PTPRD: variants seen among roughly 807,000 people sequenced by gnomAD.
PTPRD encodes protein tyrosine phosphatase receptor type D.
PTPRD carries 34 observed loss-of-function variants against 214.5 expected under a neutral mutation model. The observed-to-expected ratio is 0.16, with a 90% CI of 0.12 to 0.21. The LOEUF (loss-of-function observed/expected upper bound fraction) is 0.21, where lower values mean the gene tolerates loss of function less well. PTPRD is among the 10% of genes least tolerant of loss of function. PTPRD has a pLI of 1.00. For synonymous variants in PTPRD, 1,128 were observed against 845.7 expected (o/e 1.33, Z -5.79); for missense variants, 2,545 against 2,398.7 (o/e 1.06, Z -1.27).
At chr9:8,918,270 A>T (rs1323899064) in intron 11 of PTPRD, among the ~76,000 whole-genome samples, 3 of 152,180 alleles carry the variant, frequency 2.0e-5, no homozygotes, top group Non-Finnish European at 4.4e-5. Context: ...CTCTTAAAAT[A>T]GAGAGAAAGC....
intron 3 of PTPRD, among the ~76,000 whole-genome samples, chr9:10,154,456 ATTTAG>A (rs1190380492): frequency 6.6e-6 from 1 of 152,032 alleles, no homozygotes; most frequent in African/African-American, 2.4e-5. Flanking sequence ...TGCAGAAGTT[ATTTAG>A]TTTAATTAGC....
intron 5 of PTPRD, among the ~76,000 whole-genome samples, chr9:9,852,802 C>A (rs1165276564): frequency 6.6e-6 from 1 of 151,984 alleles, no homozygotes; most frequent in East Asian, 1.9e-4. Flanking sequence ...TTTTTCTATT[C>A]TTCAAATAAT....
chr9:9,201,503 T>A (rs1435451684), intron 9 of PTPRD, among the ~76,000 whole-genome samples: 1 of 152,042 alleles, frequency 6.6e-6, no homozygotes, highest in African/African-American at 2.4e-5. Flanking sequence ...AATAAGGCAA[T>A]AGGATAGGAT....
chr9:9,525,335 T>C (rs1200405786), intron 8 of PTPRD, among the ~76,000 whole-genome samples: 1 of 152,162 alleles, frequency 6.6e-6, no homozygotes, highest in Non-Finnish European at 1.5e-5. Flanking sequence ...TCCCAGACCA[T>C]TATATTTCAA....
intron 4 of PTPRD, among the ~76,000 whole-genome samples, chr9:10,001,272 C>T (rs2096306326): frequency 6.6e-6 from 1 of 152,014 alleles, no homozygotes; most frequent in South Asian, 2.1e-4. Context: ...GCCCCCAAAA[C>T]CTGTGGGATA....
At chr9:8,339,281 T>C (rs998531783) in intron 42 of PTPRD, among the ~76,000 whole-genome samples, 2 of 152,166 alleles carry the variant, frequency 1.3e-5, no homozygotes, top group South Asian at 2.1e-4. Context: ...CTCTGGCAGA[T>C]AGTAGCTGCT....
chr9:10,084,579 T>C (rs2098297644), intron 3 of PTPRD, among the ~76,000 whole-genome samples: 1 of 152,104 alleles, frequency 6.6e-6, no homozygotes, highest in East Asian at 1.9e-4. Context: ...TTGATATTAA[T>C]TTCCTTATAA....
At chr9:9,568,845 A>C (rs1264480751) in intron 8 of PTPRD, among the ~76,000 whole-genome samples, 1 of 151,852 alleles carries the variant, frequency 6.6e-6, no homozygotes. Flanking sequence ...TGTAGACCCT[A>C]CAAGCTCTCC....
At chr9:9,397,693 ATTCAAAAATCT>A (rs2068434182) in intron 8 of PTPRD, among the ~76,000 whole-genome samples, 1 of 151,992 alleles carries the variant, frequency 6.6e-6, no homozygotes, top group Non-Finnish European at 1.5e-5. Flanking sequence ...TTAGTTGTTT[ATTCAAAAATCT>A]TTTTTATAGG....
intron 3 of PTPRD, among the ~76,000 whole-genome samples, chr9:10,314,255 G>C (rs2096358175): frequency 6.6e-6 from 1 of 151,714 alleles, no homozygotes; most frequent in Non-Finnish European, 1.5e-5. Context: ...TATTATGATA[G>C]GACAGGAGAA....
chr9:10,093,874 G>A (rs1246881092), intron 3 of PTPRD, among the ~76,000 whole-genome samples: 1 of 151,398 alleles, frequency 6.6e-6, no homozygotes, highest in Non-Finnish European at 1.5e-5. Flanking sequence ...TTGTAAATGG[G>A]AGCTAAACAT....
At chr9:8,733,577 G>A (rs187942657) in intron 12 of PTPRD, among the ~76,000 whole-genome samples, 1 of 152,100 alleles carries the variant, frequency 6.6e-6, no homozygotes. Flanking sequence ...ACAAGAAAAG[G>A]GGCATTAAAA....
chr9:9,839,538 C>T (rs530595069), intron 5 of PTPRD, among the ~76,000 whole-genome samples: 201 of 152,028 alleles, frequency 1.3e-3, no homozygotes, highest in African/African-American at 4.7e-3. Flanking sequence ...AACCACTGCT[C>T]AATGAAATAA....
chr9:9,047,324 C>G (rs1330244267), intron 10 of PTPRD, among the ~76,000 whole-genome samples: 1 of 152,028 alleles, frequency 6.6e-6, no homozygotes, highest in East Asian at 1.9e-4. Flanking sequence ...AATGCGCATA[C>G]TACCCAAAGC....
intron 33 of PTPRD, chr9:8,454,693 T>A: frequency 1.5e-6 from 2 of 1,321,422 alleles, no homozygotes; most frequent in Non-Finnish European, 2.1e-6. Flanking sequence ...TAAGAAATAG[T>A]GTTCACAAGC....
At chr9:10,263,386 C>T (rs1035558410) in intron 3 of PTPRD, among the ~76,000 whole-genome samples, 1 of 152,074 alleles carries the variant, frequency 6.6e-6, no homozygotes, top group Non-Finnish European at 1.5e-5. Flanking sequence ...TTGGAATTTC[C>T]TAGAGACTTG....
chr9:8,964,136 C>G (rs1363974576), intron 11 of PTPRD, among the ~76,000 whole-genome samples: 1 of 135,274 alleles, frequency 7.4e-6, no homozygotes, highest in Non-Finnish European at 1.5e-5. Flanking sequence ...TTGGTACTAG[C>G]TCTTCTTTGT....
chr9:9,558,995 G>A (rs904835947), intron 8 of PTPRD, among the ~76,000 whole-genome samples: 6 of 152,136 alleles, frequency 3.9e-5, no homozygotes, highest in South Asian at 2.1e-4. Context: ...CTAAGTAGGC[G>A]CCCCACATCA....
intron 10 of PTPRD, among the ~76,000 whole-genome samples, chr9:9,080,293 C>T (rs1217416837): frequency 2.6e-5 from 4 of 151,928 alleles, no homozygotes; most frequent in Non-Finnish European, 4.4e-5. Context: ...TACCATGTTG[C>T]CACTCTAGAA....
Sources: gnomAD v4.1 joint callset for allele counts (sites outside exome capture counted in the v4.1 genomes callset) on GRCh38, gnomAD v4.1.1 for gene constraint, MANE v1.5 for transcripts, NCBI Gene and HGNC (gene_info 2026-07-23, HGNC 2026-07-21) for gene names.